TAS2R1: variants seen among roughly 807,000 people sequenced by gnomAD.
TAS2R1 encodes the protein taste 2 receptor member 1, also known as taste receptor type 2 member 1.
For missense variants in TAS2R1, 370 were observed against 353.4 expected (o/e 1.05, Z -0.38); for synonymous variants, 141 against 134.2 (o/e 1.05, Z -0.35).
At chr5:9,848,444 C>T in the TAS2R1 span, among the ~76,000 whole-genome samples, 1 of 152,142 alleles carries the variant, frequency 6.6e-6, no homozygotes, top group African/African-American at 2.4e-5. Flanking sequence ...TGTTGTTATA[C>T]ATTATGCCGA....
intron 1 of TAS2R1, among the ~76,000 whole-genome samples, chr5:9,694,794 T>C (rs1318266117): frequency 6.6e-6 from 1 of 152,258 alleles, no homozygotes; most frequent in Non-Finnish European, 1.5e-5. Flanking sequence ...AGTTCAATTT[T>C]GATCATTAAT....
At chr5:9,716,630 AT>A (rs945611284), upstream of TAS2R1, among the ~76,000 whole-genome samples, 1 of 151,820 alleles carries the variant, frequency 6.6e-6, no homozygotes, top group Admixed American at 6.6e-5. Flanking sequence ...GAGTTCCCCC[AT>A]TTCTGCTCTC....
At chr5:9,887,680 T>C in the TAS2R1 span, among the ~76,000 whole-genome samples, 15 of 152,294 alleles carry the variant, frequency 9.8e-5, no homozygotes, top group Non-Finnish European at 2.2e-4. Context: ...GTTACCAGGC[T>C]GCCACTAAGG....
At chr5:9,821,663 A>G in the TAS2R1 span, among the ~76,000 whole-genome samples, 6 of 152,370 alleles carry the variant, frequency 3.9e-5, no homozygotes, top group South Asian at 1.2e-3. Context: ...TGAGAAATTG[A>G]TAATAGTGAT....
the TAS2R1 span, among the ~76,000 whole-genome samples, chr5:9,820,192 T>A: frequency 6.6e-6 from 1 of 152,104 alleles, no homozygotes; most frequent in Non-Finnish European, 1.5e-5. Flanking sequence ...ATCAGAAACT[T>A]AAGCACATGG....
At chr5:9,689,573 T>A (rs1741194727) in intron 1 of TAS2R1, among the ~76,000 whole-genome samples, 1 of 152,180 alleles carries the variant, frequency 6.6e-6, no homozygotes, top group Admixed American at 6.5e-5. Context: ...TATCATTATT[T>A]TTGCTCCTTG....
At chr5:9,717,061 G>C (rs1410108644), upstream of TAS2R1, among the ~76,000 whole-genome samples, 1 of 152,136 alleles carries the variant, frequency 6.6e-6, no homozygotes, top group African/African-American at 2.4e-5. Context: ...AGAGCAGAGA[G>C]GGAAGCAGAA....
chr5:9,835,530 A>G, the TAS2R1 span, among the ~76,000 whole-genome samples: 1 of 152,376 alleles, frequency 6.6e-6, no homozygotes, highest in South Asian at 2.1e-4. Flanking sequence ...CCTCTAATAG[A>G]GCCAATTCTG....
At chr5:9,670,618 T>G (rs1740730754) in intron 1 of TAS2R1, among the ~76,000 whole-genome samples, 1 of 152,056 alleles carries the variant, frequency 6.6e-6, no homozygotes, top group East Asian at 1.9e-4. Context: ...AGGTTTCTTT[T>G]TTAACAGTTC....
chr5:9,884,201 C>A, the TAS2R1 span, among the ~76,000 whole-genome samples: 2 of 152,044 alleles, frequency 1.3e-5, no homozygotes, highest in Admixed American at 6.6e-5. Context: ...TAGGGCCAGG[C>A]GTGGTGGCTC....
chr5:9,725,894 G>C, the TAS2R1 span, among the ~76,000 whole-genome samples: 63,061 of 151,326 alleles, frequency 0.42, 15,549 homozygotes, highest in African/African-American at 0.7. Context: ...ATGCACCAGT[G>C]GACACTCTGT....
At chr5:9,731,456 C>T in the TAS2R1 span, among the ~76,000 whole-genome samples, 1 of 112,220 alleles carries the variant, frequency 8.9e-6, no homozygotes, top group Non-Finnish European at 2.0e-5. Context: ...TGGAGTCTGC[C>T]CCCACCCAGC....
At chr5:9,781,641 C>T in the TAS2R1 span, among the ~76,000 whole-genome samples, 24 of 152,232 alleles carry the variant, frequency 1.6e-4, no homozygotes, top group African/African-American at 5.5e-4. Context: ...ACTCTGACAA[C>T]ACTGTCCTCC....
the TAS2R1 span, among the ~76,000 whole-genome samples, chr5:9,799,952 A>G: frequency 6.6e-6 from 1 of 152,258 alleles, no homozygotes; most frequent in Non-Finnish European, 1.5e-5. Context: ...ATTTTTGAAT[A>G]TATGTTGCTC....
chr5:9,704,214 G>A (rs1205969529), intron 1 of TAS2R1, among the ~76,000 whole-genome samples: 3 of 152,098 alleles, frequency 2.0e-5, no homozygotes, highest in Admixed American at 6.5e-5. Context: ...ATGAGCTTAA[G>A]AGTACCTTAA....
the TAS2R1 span, among the ~76,000 whole-genome samples, chr5:9,837,140 AATATTGGACTACAAC>A: frequency 5.3e-5 from 8 of 152,266 alleles, no homozygotes; most frequent in East Asian, 1.4e-3. Flanking sequence ...GGAAAATAGA[AATATTGGACTACAAC>A]ATACATGCAC....
chr5:9,812,744 AC>A, the TAS2R1 span, among the ~76,000 whole-genome samples: 1 of 152,096 alleles, frequency 6.6e-6, no homozygotes, highest in African/African-American at 2.4e-5. Flanking sequence ...AGTGACCAAA[AC>A]AAACTTGGTC....
chr5:9,858,923 A>G, the TAS2R1 span, among the ~76,000 whole-genome samples: 2 of 152,244 alleles, frequency 1.3e-5, no homozygotes, highest in Non-Finnish European at 2.9e-5. Flanking sequence ...AGTAGGTAGC[A>G]GACAAGCTGT....
the TAS2R1 span, among the ~76,000 whole-genome samples, chr5:9,785,177 C>T: frequency 6.6e-6 from 1 of 152,284 alleles, no homozygotes; most frequent in African/African-American, 2.4e-5. Context: ...AGTTCTGTTG[C>T]CATTTGTTGC....
Sources: gnomAD v4.1 joint callset for allele counts (sites outside exome capture counted in the v4.1 genomes callset) on GRCh38, gnomAD v4.1.1 for gene constraint, MANE v1.5 for transcripts, NCBI Gene and HGNC (gene_info 2026-07-23, HGNC 2026-07-21) for gene names.